RAD51AP2: variants seen among roughly 807,000 people sequenced by gnomAD.
The protein encoded by RAD51AP2 is RAD51 associated protein 2.
Under a neutral mutation model 85.5 loss-of-function variants are expected in RAD51AP2, and 67 were observed. The ratio of observed to expected loss-of-function variants is 0.78; its 90% CI spans 0.64 to 0.96. The LOEUF is 0.96. Ranked by LOEUF, RAD51AP2 falls within the 40% of genes least tolerant of loss-of-function variation. The pLI, the probability that RAD51AP2 is intolerant of heterozygous loss-of-function variation, is 0.00. For missense variants in RAD51AP2, 1,307 were observed against 1,332.4 expected (o/e 0.98, Z 0.30); for synonymous variants, 474 against 446.5 (o/e 1.06, Z -0.78).
upstream of RAD51AP2, among the ~76,000 whole-genome samples, chr2:17,521,391 A>G (rs1007446412): frequency 2.6e-5 from 4 of 152,116 alleles, no homozygotes; most frequent in Non-Finnish European, 5.9e-5. Context: ...AAATATGACA[A>G]GACAGTTTTT....
Position 17,517,919 on chromosome 2 carries a change from T to C in RAD51AP2, c.497A>G (p.Asp166Gly). ...SQLLPSTSIHDIHGIRNENRK... is the reference protein window; with the variant it reads ...SQLLPSTSIHGIHGIRNENRK... ...ATTCTCATTTCTAATTCCATGTATATCGTGTATAGAGGTGCTGGGCAGAAG... is the reference window on the plus strand; with the variant it reads ...ATTCTCATTTCTAATTCCATGTATACCGTGTATAGAGGTGCTGGGCAGAAG... Residue 166 changes from aspartate to glycine, a missense_variant, in exon 1 of 3, where the codon GAT (aspartate) becomes GGT (glycine). This residue lies in a region of RAD51AP2 where 635 missense variants were observed against 643.6 expected (regional missense o/e 0.99). Coordinates refer to ENST00000399080, the MANE Select transcript of RAD51AP2 (RefSeq NM_001099218.3). The C allele has an allele frequency of 5.0e-6, 8 of 1,614,144 alleles. No homozygotes were observed. Among genetic ancestry groups the C allele is most frequent in the Non-Finnish European group, 6.8e-6 (8 of 1,180,030 alleles).
At chr2:17,514,655 A>G (rs1662594913) in intron 1 of RAD51AP2, among the ~76,000 whole-genome samples, 1 of 152,088 alleles carries the variant, frequency 6.6e-6, no homozygotes, top group Admixed American at 6.6e-5. Flanking sequence ...CTGTAATCCC[A>G]GCTACTCTGG....
Position 17,515,868 on chromosome 2 carries a change from C to A in RAD51AP2, c.2548G>T (p.Val850Phe), listed in dbSNP as rs753879563. ...TTTTCTATCTTAGTATCTTTGTGAA[C>A]TTGGCAACTATTTGTTAAACTTTCA... ...TAESLTNSCQ[V>F]HKDTKIEKEE... The change falls in exon 1 of 3, where the codon GTT (valine) becomes TTT (phenylalanine). Residue 850 changes from valine (V) to phenylalanine (F), a missense_variant. Transcript: ENST00000399080. 6.2e-7 allele frequency: 1 copy of A among 1,607,676 alleles called. No homozygotes were observed. Among genetic ancestry groups the A allele is most frequent in the Admixed American group, 1.7e-5 (1 of 58,814 alleles).
the RAD51AP2 span, among the ~76,000 whole-genome samples, chr2:17,536,543 A>G: frequency 6.6e-6 from 1 of 152,344 alleles, no homozygotes; most frequent in South Asian, 2.1e-4. Flanking sequence ...TGTATTTGCT[A>G]TGACTATTTC....
intron 1 of RAD51AP2, among the ~76,000 whole-genome samples, chr2:17,514,642 C>T (rs1035735830): frequency 6.6e-6 from 1 of 152,016 alleles, no homozygotes; most frequent in Non-Finnish European, 1.5e-5. Flanking sequence ...TCGTGGCAGT[C>T]GCCTGTAATC....
Position 17,517,353 on chromosome 2 carries a change from T to C in RAD51AP2, c.1063A>G (p.Ser355Gly), listed in dbSNP as rs1191191413. 6.2e-7 allele frequency: 1 copy of C among 1,613,916 alleles called. No homozygotes were observed. Among genetic ancestry groups the C allele is most frequent in the South Asian group, 1.1e-5 (1 of 91,018 alleles). ...LISSNYCNCSSIQCNVRDSRK... is the reference protein window; with the variant it reads ...LISSNYCNCSGIQCNVRDSRK... ...GAGTCTCTTACATTACACTGGATAC[T>C]ACTGCAGTTACAGTAGTTTGAACTG... The change falls in exon 1 of 3, where the codon AGT (serine) becomes GGT (glycine). Residue 355 changes from serine (S) to glycine (G), a missense_variant. Physicochemically the swap from Ser to Gly is moderately conservative, Grantham distance 56. Coordinates refer to ENST00000399080, the MANE Select transcript of RAD51AP2 (RefSeq NM_001099218.3).
the RAD51AP2 span, among the ~76,000 whole-genome samples, chr2:17,534,286 A>G: frequency 6.6e-6 from 1 of 152,190 alleles, no homozygotes; most frequent in Admixed American, 6.5e-5. Context: ...AAGTGAGCCA[A>G]ATATTTTTGG....
Position 17,515,205 on chromosome 2 carries a change from A to G in RAD51AP2, c.3211T>C (p.Ser1071Pro). The G allele has an allele frequency of 1.9e-6, 3 of 1,595,666 alleles. No homozygotes were observed. Residue 1071 changes from serine to proline, a missense_variant, in exon 1 of 3, where the codon TCA becomes CCA. This residue lies in a region of RAD51AP2 where 668 missense variants were observed against 671.0 expected (regional missense o/e 1.00). Coordinates refer to ENST00000399080, the MANE Select transcript of RAD51AP2 (RefSeq NM_001099218.3). Reference protein sequence around the residue: ...VPNESCYPSRSEEELLYSTSE... With the variant: ...VPNESCYPSRPEEELLYSTSE... ...GTAGAGTAAAGTAATTCTTCCTCTG[A>G]TCTACTTGGATAACAACTCTCATTA...
chr2:17,516,293 CAAG>C lies in RAD51AP2; in HGVS notation c.2120_2122del (p.Thr707_Cys708delinsSer). 1 of 1,607,618 alleles carries C rather than the reference CAAG, an allele frequency of 6.2e-7. No homozygotes were observed. Among genetic ancestry groups the C allele is most frequent in the Middle Eastern group, 1.7e-4 (1 of 6,024 alleles). On this transcript the variant is annotated inframe_deletion, in exon 1 of 3. Coordinates refer to ENST00000399080, the MANE Select transcript of RAD51AP2 (RefSeq NM_001099218.3). Reference sequence around the variant, plus strand: ...TTGTTGAGGACAACTCATATTCTGACAAGTAATTTCTCTTATTAAAGAAATTTC... The same window carrying C: ...TTGTTGAGGACAACTCATATTCTGACTAATTTCTCTTATTAAAGAAATTTC...
chr2:17,517,765 A>C lies in RAD51AP2; in HGVS notation c.651T>G (p.Val217=), dbSNP rs1332332745. 12 of 1,613,988 alleles carry C rather than the reference A, an allele frequency of 7.4e-6. No homozygotes were observed. The highest frequency in any genetic ancestry group is 1.0e-5 in the Non-Finnish European group (12 of 1,179,874). Residue 217 remains valine, a synonymous_variant, in exon 1 of 3, where the codon GTT becomes GTG. Transcript: ENST00000399080. The part of the protein sequence containing the change: ...EIKNRCKANS[V]VPSNKRENNI... The stretch of plus-strand genomic sequence containing the variant: ...TATTTTCTCTTTTATTTGATGGCAC[A>C]ACACTGTTAGCTTTACATCTGTTCT...
the RAD51AP2 span, among the ~76,000 whole-genome samples, chr2:17,536,019 T>TA: frequency 0.24 from 34,487 of 144,406 alleles, 5,153 homozygotes; most frequent in Middle Eastern, 0.45. Flanking sequence ...ACTGTTTGGT[T>TA]AAAAAAAAAA....
At chr2:17,525,394 AT>A in the RAD51AP2 span, among the ~76,000 whole-genome samples, 1 of 152,108 alleles carries the variant, frequency 6.6e-6, no homozygotes, top group South Asian at 2.1e-4. Flanking sequence ...AGAGCCAAGA[AT>A]CACAGAAAGT....
At chr2:17,528,134 GC>G in the RAD51AP2 span, among the ~76,000 whole-genome samples, 1 of 152,066 alleles carries the variant, frequency 6.6e-6, no homozygotes, top group East Asian at 1.9e-4. Context: ...AGTGTGGTTG[GC>G]TTGGTTTTAA....
chr2:17,531,346 CAT>C, the RAD51AP2 span, among the ~76,000 whole-genome samples: 1 of 151,980 alleles, frequency 6.6e-6, no homozygotes, highest in Non-Finnish European at 1.5e-5. Context: ...AGATATATAA[CAT>C]ATTAAATAAT....
Position 17,513,984 on chromosome 2 carries a change from T to C in RAD51AP2, c.3328+28A>G, listed in dbSNP as rs781577647. ...CATAATGCAATAATCATCTTAGAAG[T>C]TATCCTAAAAAGTAACCACAATGTT... On this transcript the variant is annotated intron_variant, in intron 2 of 2. Coordinates refer to ENST00000399080, the MANE Select transcript of RAD51AP2 (RefSeq NM_001099218.3). 4.3e-6 allele frequency: 5 copies of C among 1,157,056 alleles called. No homozygotes were observed. The African/African-American group carries it at 6.1e-5, about 14-fold the overall frequency. The allele number at this position is 1,157,056 out of a possible 1,614,324, so 71.7% of individuals were successfully genotyped here.
At chr2:17,536,623 C>T in the RAD51AP2 span, among the ~76,000 whole-genome samples, 4,478 of 152,224 alleles carry the variant, frequency 0.029, 65 homozygotes, top group Middle Eastern at 0.054. Context: ...CCTTATGAAA[C>T]TTTTATTGTG....
rs766919230 is a variant in RAD51AP2, at chr2:17,515,465, T to C, written c.2951A>G (p.Glu984Gly). The change falls in exon 1 of 3, where the codon GAA becomes GGA. Residue 984 changes from glutamate (E) to glycine (G), a missense_variant. Physicochemically the swap from Glu to Gly is moderately conservative, Grantham distance 98. Around this residue, in one of 3 missense-constraint regions of RAD51AP2, gnomAD observed 668 missense variants for 671.0 expected, o/e 1.00. Coordinates refer to ENST00000399080, the MANE Select transcript of RAD51AP2 (RefSeq NM_001099218.3). Reference protein sequence around the residue: ...ELRMFHEISRENELLSTVETN... With the variant: ...ELRMFHEISRGNELLSTVETN... The stretch of plus-strand genomic sequence containing the variant: ...TTCCACAGTGCTTAGAAGTTCATTT[T>C]CCCTACTAATTTCATGAAACATACG... 1.9e-6 allele frequency: 3 copies of C among 1,613,460 alleles called. No individual in the cohort carries two copies. The highest frequency in any genetic ancestry group is 2.5e-6 in the Non-Finnish European group (3 of 1,179,846).
At chr2:17,514,965 T>G (rs1325568177) in intron 1 of RAD51AP2, among the ~76,000 whole-genome samples, 1 of 151,422 alleles carries the variant, frequency 6.6e-6, no homozygotes, top group Non-Finnish European at 1.5e-5. Flanking sequence ...GCTTTGAAAT[T>G]TGTATTGTTT....
At chr2:17,518,910 C>T (rs1317982992), upstream of RAD51AP2, among the ~76,000 whole-genome samples, 2 of 152,182 alleles carry the variant, frequency 1.3e-5, no homozygotes, top group East Asian at 3.9e-4. Context: ...TCTGTCAGCA[C>T]CAGACCAAAT....
Sources: allele counts gnomAD v4.1 joint callset (sites outside exome capture counted in the v4.1 genomes callset), GRCh38; gene constraint gnomAD v4.1.1; regional missense constraint gnomAD v4.1.1; transcripts MANE v1.5; gene names NCBI Gene and HGNC (gene_info 2026-07-23, HGNC 2026-07-21).